The following PARD3B variants were observed in gnomAD, a reference collection of about 807,000 sequenced individuals.
PARD3B encodes partitioning defective 3 homolog B.
A neutral mutation model predicts 130.2 loss-of-function variants in PARD3B; 103 were observed. The observed-to-expected ratio is 0.79, with a 90% CI of 0.67 to 0.93. The LOEUF is 0.93. PARD3B is among the 40% of genes least tolerant of loss of function. PARD3B has a pLI of 0.00. For synonymous variants in PARD3B, 583 were observed against 553.2 expected, an observed-to-expected ratio of 1.05 and a Z score of -0.76; for missense variants, 1,609 against 1,499.2, an observed-to-expected ratio of 1.07 and a Z score of -1.21.
At chr2:205,003,785 G>A (rs530984823) in intron 3 of PARD3B, among the ~76,000 whole-genome samples, 2 of 152,276 alleles carry the variant, frequency 1.3e-5, no homozygotes, top group East Asian at 1.9e-4. Context: ...AATATTTGTG[G>A]AATAATGGAC....
Position 204,906,422 on chromosome 2 carries a change from T to C in PARD3B, c.223-58730T>C, listed in dbSNP as rs1167120158. Among the ~76,000 whole-genome samples the C allele has an allele frequency of 6.6e-6, 1 of 152,318 alleles. No individual in the cohort carries two copies. Among genetic ancestry groups the C allele is most frequent in the East Asian group, 1.9e-4 (1 of 5,186 alleles). On this transcript the variant is annotated intron_variant, in intron 2 of 22. Transcript: ENST00000406610. The surrounding 1 kb of genome is among the most constrained non-coding windows in gnomAD (Gnocchi z 4.3). ...CTTTTCATTGGTGTGTGTGTGTGTA[T>C]GTATAAATGAATGAATATGGGAAGA...
At chr2:204,611,718 T>C (rs1050633481) in intron 1 of PARD3B, among the ~76,000 whole-genome samples, 4 of 152,220 alleles carry the variant, frequency 2.6e-5, no homozygotes, top group African/African-American at 9.6e-5. Flanking sequence ...ATGTATGGAC[T>C]AATTCGGACA....
At chr2:205,518,389 T>A (rs1396168403) in intron 21 of PARD3B, among the ~76,000 whole-genome samples, 1 of 152,148 alleles carries the variant, frequency 6.6e-6, no homozygotes, top group African/African-American at 2.4e-5. Context: ...TTGTGTTAAA[T>A]TAGGATTGCA....
intron 3 of PARD3B, among the ~76,000 whole-genome samples, chr2:204,965,873 A>G (rs1691197260): frequency 6.6e-6 from 1 of 152,236 alleles, no homozygotes; most frequent in South Asian, 2.1e-4. Flanking sequence ...ATATTATTCT[A>G]AAGTTTCAAT....
chr2:204,616,403 T>G (rs1443975922), intron 1 of PARD3B, among the ~76,000 whole-genome samples: 1 of 152,042 alleles, frequency 6.6e-6, no homozygotes, highest in Non-Finnish European at 1.5e-5. Context: ...AAATGCAAAT[T>G]AAAACAACAG....
At chr2:205,506,727 A>G (rs917929592) in intron 21 of PARD3B, among the ~76,000 whole-genome samples, 3 of 152,252 alleles carry the variant, frequency 2.0e-5, no homozygotes, top group Non-Finnish European at 4.4e-5. Flanking sequence ...GGAGATTTCT[A>G]TGTATTTTCC....
intron 5 of PARD3B, among the ~76,000 whole-genome samples, chr2:205,110,409 T>C (rs1559447800): frequency 6.6e-6 from 1 of 152,184 alleles, no homozygotes. Context: ...TGTCTAAATC[T>C]CAGATTGGTA....
intron 2 of PARD3B, among the ~76,000 whole-genome samples, chr2:204,736,247 A>G (rs1010675140): frequency 6.6e-6 from 1 of 152,100 alleles, no homozygotes; most frequent in African/African-American, 2.4e-5. Flanking sequence ...TAGTTAAAAC[A>G]AAGATGTAAA....
At chr2:204,660,673 C>T (rs554598127) in intron 1 of PARD3B, among the ~76,000 whole-genome samples, 15 of 152,200 alleles carry the variant, frequency 9.9e-5, no homozygotes, top group Middle Eastern at 3.4e-3. Flanking sequence ...AAATTTTGAT[C>T]CTTTAAAGAA....
At chr2:205,143,928 C>A (rs2033162597) in intron 10 of PARD3B, among the ~76,000 whole-genome samples, 1 of 152,154 alleles carries the variant, frequency 6.6e-6, no homozygotes, top group South Asian at 2.1e-4. Context: ...TATAATATAT[C>A]ATTAACCCTT....
chr2:204,780,880 G>GA (rs368767363), intron 2 of PARD3B, among the ~76,000 whole-genome samples: 45 of 143,546 alleles, frequency 3.1e-4, no homozygotes, highest in Middle Eastern at 3.7e-3. Context: ...GAGCCAGAAA[G>GA]AAAAAAAAAA....
intron 2 of PARD3B, among the ~76,000 whole-genome samples, chr2:204,758,209 A>C (rs987126437): frequency 6.6e-6 from 1 of 152,152 alleles, no homozygotes; most frequent in Admixed American, 6.6e-5. Flanking sequence ...GAGCCCCAAG[A>C]TGGGTGTTCC....
chr2:205,127,440 C>T (rs946348785), intron 10 of PARD3B, among the ~76,000 whole-genome samples: 3 of 152,072 alleles, frequency 2.0e-5, no homozygotes, highest in African/African-American at 7.2e-5. Flanking sequence ...GACAAAGGCA[C>T]ATGTAGGTTC....
intron 2 of PARD3B, among the ~76,000 whole-genome samples, chr2:204,926,351 A>T (rs950414242): frequency 7.2e-5 from 11 of 152,168 alleles, no homozygotes; most frequent in Admixed American, 7.2e-4. Flanking sequence ...TGTAGCAGCT[A>T]ATTATCATTT....
intron 2 of PARD3B, among the ~76,000 whole-genome samples, chr2:204,902,668 CAAAA>C (rs5837941): frequency 1.5e-5 from 1 of 67,656 alleles, no homozygotes. Flanking sequence ...GACTCTGTCT[CAAAA>C]AAAAAAAAAA....
At position 205,473,063 on chromosome 2, in the gene PARD3B, T is replaced by C. The variant is rs1434293724; in HGVS notation, c.3045-26833T>C. 6.6e-6 allele frequency among the ~76,000 whole-genome samples: 1 copy of C among 152,100 alleles called. No homozygotes were observed. Among genetic ancestry groups the C allele is most frequent in the African/African-American group, 2.4e-5 (1 of 41,446 alleles). On this transcript the variant is annotated intron_variant, in intron 20 of 22. Transcript: ENST00000406610. This position sits in a 1 kb window ranked among gnomAD's most constrained non-coding sequence, Gnocchi z 4.9. The stretch of plus-strand genomic sequence containing the variant: ...CCATTTGAGCTAGAAGCTTGGCAAT[T>C]TTACAAATTCTAGCAACTTCTTAAG...
chr2:204,548,948 A>G (rs2030226230), intron 1 of PARD3B, among the ~76,000 whole-genome samples: 1 of 152,222 alleles, frequency 6.6e-6, no homozygotes, highest in South Asian at 2.1e-4. Flanking sequence ...AGATGGGAGA[A>G]AGACAGGTTT....
intron 3 of PARD3B, among the ~76,000 whole-genome samples, chr2:205,002,731 C>T (rs1285313860): frequency 3.3e-5 from 5 of 152,166 alleles, no homozygotes; most frequent in African/African-American, 1.2e-4. Context: ...CAGGTCTTTC[C>T]CCTGCTTCAT....
chr2:204,704,930 G>C (rs1227125988), intron 2 of PARD3B, among the ~76,000 whole-genome samples: 2 of 152,160 alleles, frequency 1.3e-5, no homozygotes, highest in East Asian at 3.9e-4. Flanking sequence ...AATTGCTGCA[G>C]AGAACTGGAG....
Sources: gnomAD v4.1 joint callset for allele counts (sites outside exome capture counted in the v4.1 genomes callset) on GRCh38, gnomAD v4.1.1 for gene constraint, Gnocchi (gnomAD v3.1) non-coding constraint, MANE v1.5 for transcripts, NCBI Gene and HGNC (gene_info 2026-07-23, HGNC 2026-07-21) for gene names.